Variants in CDHR3 observed in about 807,000 individuals in gnomAD.
CDHR3 encodes the protein cadherin-related family member 3.
In CDHR3, 79 loss-of-function variants were observed where a neutral mutation model predicts 86.6. The ratio of observed to expected loss-of-function variants is 0.91; its 90% confidence interval spans 0.76 to 1.10. The LOEUF (loss-of-function observed/expected upper bound fraction) is 1.10, where lower values mean the gene tolerates loss of function less well. Among genes scored for constraint, CDHR3 ranks in the 50% least tolerant of loss-of-function variants. CDHR3 has a pLI of 0.00. For missense variants in CDHR3, 1,081 were observed against 1,077.6 expected (o/e 1.00, Z -0.04); for synonymous variants, 421 against 402.4 (o/e 1.05, Z -0.55).
chr7:106,018,128 C>G lies in CDHR3; in HGVS notation c.1653+56C>G, dbSNP rs553221442. 4.3e-6 allele frequency: 6 copies of G among 1,405,284 alleles called. No homozygotes were observed. In the East Asian group the frequency reaches 6.9e-5, roughly 16 times the overall value. 87.1% of individuals were successfully genotyped at this position (1,405,284 alleles called of 1,614,324 possible). On this transcript the variant is annotated intron_variant, in intron 12 of 18. Transcript: ENST00000317716. Reference sequence around the variant, plus strand: ...AACCCAACTGGTTGACTTAGGGTCTCTCTGGCACCCCCAGAGTGTGGATGT... The same window carrying G: ...AACCCAACTGGTTGACTTAGGGTCTGTCTGGCACCCCCAGAGTGTGGATGT...
At chr7:105,983,674 T>C (rs1830110359) in intron 3 of CDHR3, among the ~76,000 whole-genome samples, 1 of 152,138 alleles carries the variant, frequency 6.6e-6, no homozygotes, top group Non-Finnish European at 1.5e-5. Flanking sequence ...CAGTTTTTGG[T>C]TCCTCCCTTG....
chr7:106,001,681 G>A (rs1833203225), intron 7 of CDHR3, 71 bp downstream of exon 7: 1 of 1,578,608 alleles, frequency 6.3e-7, no homozygotes, highest in Non-Finnish European at 8.7e-7. Context: ...CAATGTAGTT[G>A]TCCCTCGTTA....
chr7:106,025,415 T>C (rs1419461711), intron 15 of CDHR3, among the ~76,000 whole-genome samples: 1 of 152,236 alleles, frequency 6.6e-6, no homozygotes, highest in Non-Finnish European at 1.5e-5. Flanking sequence ...AATGAACAAA[T>C]GTAAACAAGG....
At chr7:105,978,126 T>G (rs943392432) in intron 2 of CDHR3, among the ~76,000 whole-genome samples, 2 of 152,190 alleles carry the variant, frequency 1.3e-5, no homozygotes, top group Non-Finnish European at 2.9e-5. Context: ...AGATTTGCAA[T>G]CAGGTAGGCT....
At chr7:106,009,125 C>A (rs550470272) in intron 8 of CDHR3, among the ~76,000 whole-genome samples, 182 of 152,298 alleles carry the variant, frequency 1.2e-3, no homozygotes, top group African/African-American at 4.2e-3. Context: ...CCCTGAAGGC[C>A]AATGTGAAAT....
chr7:105,992,773 G>A (rs759423483), intron 4 of CDHR3, among the ~76,000 whole-genome samples: 24 of 152,108 alleles, frequency 1.6e-4, no homozygotes, highest in Admixed American at 3.3e-4. Flanking sequence ...GAGGGTATAC[G>A]TTTGCATAGA....
At chr7:106,000,430 G>C (rs1471335212) in intron 6 of CDHR3, among the ~76,000 whole-genome samples, 1 of 152,186 alleles carries the variant, frequency 6.6e-6, no homozygotes, top group East Asian at 1.9e-4. Context: ...TAGGGATGGT[G>C]AGATAGCACA....
At chr7:105,972,915 G>GT (rs1163691671) in intron 1 of CDHR3, among the ~76,000 whole-genome samples, 2 of 152,140 alleles carry the variant, frequency 1.3e-5, no homozygotes, top group African/African-American at 4.8e-5. Context: ...TTAAAAGCTT[G>GT]TATCAGTGAA....
chr7:106,003,881 C>T (rs906689949), intron 7 of CDHR3, among the ~76,000 whole-genome samples: 1 of 147,024 alleles, frequency 6.8e-6, no homozygotes, highest in African/African-American at 2.5e-5. Flanking sequence ...TCTAGTGTTG[C>T]GAAATTCAAC....
chr7:106,005,806 T>C (rs1833870412), intron 8 of CDHR3, among the ~76,000 whole-genome samples: 1 of 152,214 alleles, frequency 6.6e-6, no homozygotes. Context: ...AAAGGATCCA[T>C]GTGACCTCGA....
chr7:105,981,010 C>T lies in CDHR3; in HGVS notation c.292C>T (p.Pro98Ser). The T allele has an allele frequency of 6.2e-7, 1 of 1,610,912 alleles. No homozygotes were observed. The highest frequency in any genetic ancestry group is 1.1e-5 in the South Asian group (1 of 90,188). ...GGAACAACTAGATTTTGAAACAGGACCAAACATATTTGATTTGCAGATTTA... is the reference window on the plus strand; with the variant it reads ...GGAACAACTAGATTTTGAAACAGGATCAAACATATTTGATTTGCAGATTTA... ...GMEQLDFETGPNIFDLQIYVK... is the reference protein window; with the variant it reads ...GMEQLDFETGSNIFDLQIYVK... Residue 98 changes from proline (P) to serine (S), a missense_variant, in exon 3 of 19, where the codon CCA becomes TCA. Coordinates refer to ENST00000317716, the MANE Select transcript of CDHR3 (RefSeq NM_152750.5).
chr7:106,018,515 C>T (rs945672147), intron 12 of CDHR3, among the ~76,000 whole-genome samples: 5 of 152,132 alleles, frequency 3.3e-5, no homozygotes, highest in South Asian at 2.1e-4. Context: ...GGATTATAGG[C>T]GTGAGCCACT....
chr7:105,984,141 C>T, intron 3 of CDHR3, 51 bp from the exon 4 acceptor site: 3 of 1,176,608 alleles, frequency 2.5e-6, no homozygotes, highest in Non-Finnish European at 1.2e-6. Context: ...TGGAATTCCC[C>T]ATTTTTGCTT....
At chr7:105,967,598 G>A (rs368468268) in intron 1 of CDHR3, among the ~76,000 whole-genome samples, 14 of 152,226 alleles carry the variant, frequency 9.2e-5, no homozygotes, top group South Asian at 6.2e-4. Flanking sequence ...CTATTTCTCT[G>A]CATCCTCTCC....
At chr7:106,027,547 A>AT in intron 16 of CDHR3, 1 of 330,950 alleles carries the variant, frequency 3.0e-6, no homozygotes. Flanking sequence ...AAGTGGGTAA[A>AT]TTGGGAAGGT....
At chr7:106,028,942 T>TTCTC (rs1196335415) in intron 17 of CDHR3, among the ~76,000 whole-genome samples, 3 of 140,954 alleles carry the variant, frequency 2.1e-5, no homozygotes, top group Admixed American at 1.4e-4. Flanking sequence ...CTTTCTTTCT[T>TTCTC]TCTTTCTTTC....
At chr7:105,991,383 G>T (rs562105484) in intron 4 of CDHR3, among the ~76,000 whole-genome samples, 9 of 151,290 alleles carry the variant, frequency 5.9e-5, no homozygotes, top group Admixed American at 5.2e-4. Context: ...TTAGCCTGGT[G>T]TTAAAAAGAA....
rs767213969 is a variant in CDHR3 at position 106,030,647 on chromosome 7, T to TC, written c.2305-141dup. The TC allele has an allele frequency of 1.6e-4, 113 of 693,412 alleles. No homozygotes were observed. Among genetic ancestry groups the TC allele is most frequent in the Non-Finnish European group, 2.7e-4 (107 of 392,612 alleles). The allele number at this position is 693,412 out of a possible 1,614,324, so 43.0% of individuals were successfully genotyped here. ...TATGCCTGCCTTGTTCATCACTGTG[T>TC]CCCCTGCATCTATCACAGTGCCTAA... On this transcript the variant is annotated intron_variant, in intron 17 of 18. Transcript: ENST00000317716. The surrounding 1 kb of genome is among the most constrained non-coding windows in gnomAD (Gnocchi z 4.8).
At chr7:106,017,020 C>T (rs939361658) in intron 11 of CDHR3, among the ~76,000 whole-genome samples, 7 of 152,052 alleles carry the variant, frequency 4.6e-5, no homozygotes, top group African/African-American at 1.4e-4. Context: ...GCAGACCCAC[C>T]AACAATATTT....
Sources: gnomAD v4.1 joint callset for allele counts (sites outside exome capture counted in the v4.1 genomes callset) on GRCh38, gnomAD v4.1.1 for gene constraint, Gnocchi (gnomAD v3.1) non-coding constraint, MANE v1.5 for transcripts, NCBI Gene and HGNC (gene_info 2026-07-23, HGNC 2026-07-21) for gene names.